DAB2IP: variants seen among roughly 807,000 people sequenced by gnomAD.
The protein encoded by DAB2IP is disabled homolog 2-interacting protein.
In DAB2IP, 28 loss-of-function variants were observed where a neutral mutation model predicts 107.2. The observed-to-expected ratio is 0.26, with a 90% confidence interval of 0.19 to 0.36. The LOEUF is 0.36. DAB2IP is among the 10% of genes least tolerant of loss of function. The pLI, the probability that DAB2IP is intolerant of heterozygous loss-of-function variation, is 1.00. For synonymous variants in DAB2IP, 755 were observed against 706.4 expected (o/e 1.07, Z -1.09); for missense variants, 1,400 against 1,644.7 (o/e 0.85, Z 2.57).
At chr9:121,664,106 A>G (rs1214708469) in intron 1 of DAB2IP, among the ~76,000 whole-genome samples, 1 of 152,240 alleles carries the variant, frequency 6.6e-6, no homozygotes, top group East Asian at 1.9e-4. Context: ...ACATAGAGAC[A>G]ACTAGTTGTT....
chr9:121,768,317 A>G (rs1256521282), intron 9 of DAB2IP, 115 bp from the exon 10 acceptor site: 7 of 1,118,498 alleles, frequency 6.3e-6, no homozygotes, highest in Non-Finnish European at 9.4e-6. Flanking sequence ...TGGGGAGTGA[A>G]TGGAGTGGGA....
Position 121,642,001 on chromosome 9 carries a change from CT to C in DAB2IP, c.41-36676del, listed in dbSNP as rs1832340799. 5.1e-3 allele frequency among the ~76,000 whole-genome samples: 89 copies of C among 17,514 alleles called. 9 individuals are homozygous for C. Among genetic ancestry groups the C allele is most frequent in the Non-Finnish European group, 4.5e-4 (5 of 11,192 alleles). The allele number at this position is 17,514 out of a possible 152,430, so 11.5% of individuals were successfully genotyped here. On this transcript the variant is annotated intron_variant, in intron 1 of 16. Coordinates refer to the DAB2IP transcript ENST00000259371. ...CTTTCTTTCTTTCTTTCCTTTCTCT[CT>C]CTCTCTCTCTCTCTCTCTCTCTCTC...
chr9:121,751,140 G>GCTGCCCGGCTGCTGTGGACCTTTCCCC (rs1564199423), intron 3 of DAB2IP: 26 of 224,462 alleles, frequency 1.2e-4, no homozygotes, highest in African/African-American at 5.9e-4. Flanking sequence ...ACCTTTCCCT[G>GCTGCCCGGCTGCTGTGGACCTTTCCCC]CTGCCCGGCT....
chr9:121,588,406 C>T lies in DAB2IP; in HGVS notation c.40+21178C>T, dbSNP rs145318912. ...TCATTCCCACCAGCTGGGCACCTAG[C>T]GAGTGCTTCCCGTCCTCCTCATCCC... On this transcript the variant is annotated intron_variant, in intron 1 of 16. Coordinates refer to the DAB2IP transcript ENST00000259371. 2.9e-3 allele frequency among the ~76,000 whole-genome samples: 441 copies of T among 151,952 alleles called. 1 individual carries two copies. The highest frequency in any genetic ancestry group is 7.6e-3 in the African/African-American group (314 of 41,438).
intron 14 of DAB2IP, among the ~76,000 whole-genome samples, chr9:121,778,904 A>G (rs1339320463): frequency 6.6e-6 from 1 of 151,642 alleles, no homozygotes; most frequent in Non-Finnish European, 1.5e-5. Context: ...GGTTGTCAGT[A>G]GTTGGATTGT....
At chr9:121,766,832 C>G in intron 9 of DAB2IP, 102 bp downstream of exon 9, 1 of 1,208,528 alleles carries the variant, frequency 8.3e-7, no homozygotes, top group Non-Finnish European at 1.2e-6. Context: ...AGACCATAAA[C>G]AGGCCCTGGT....
At chr9:121,766,792 T>TG in intron 9 of DAB2IP, 62 bp downstream of exon 9, 3 of 1,549,394 alleles carry the variant, frequency 1.9e-6, no homozygotes, top group Non-Finnish European at 2.7e-6. Flanking sequence ...GGGCAGGCCC[T>TG]GGGGGTGTTT....
intron 10 of DAB2IP, among the ~76,000 whole-genome samples, chr9:121,769,716 A>T (rs932686563): frequency 6.6e-6 from 1 of 152,152 alleles, no homozygotes; most frequent in African/African-American, 2.4e-5. Flanking sequence ...CCTACATTCC[A>T]CCTGTTCCAG....
Position 121,684,499 on chromosome 9 carries a change from C to G in DAB2IP, c.228+5718C>G, listed in dbSNP as rs1216296568. On this transcript the variant is annotated intron_variant, in intron 2 of 15. Transcript: ENST00000408936. This position sits in a 1 kb window ranked among gnomAD's most constrained non-coding sequence, Gnocchi z 4.0. ...GAATGGGTGTTCTTTGGTCCAACTG[C>G]CCTCGGAGCCCCACGACAGCTCCTT... Among the ~76,000 whole-genome samples the G allele has an allele frequency of 6.6e-6, 1 of 152,204 alleles. No homozygotes were observed. The highest frequency in any genetic ancestry group is 1.9e-4 in the East Asian group (1 of 5,186).
intron 5 of DAB2IP, 114 bp from the exon 6 acceptor site, chr9:121,759,771 C>T (rs187442413): frequency 4.3e-4 from 415 of 954,202 alleles, no homozygotes; most frequent in Non-Finnish European, 5.9e-4. Flanking sequence ...CGCCCGCTGC[C>T]GCCTCCACCT....
chr9:121,651,634 G>C lies in DAB2IP; in HGVS notation c.-142G>C. On this transcript the variant is annotated 5_prime_UTR_variant, in exon 1 of 16. Transcript: ENST00000408936. This position sits in a 1 kb window ranked among gnomAD's most constrained non-coding sequence, Gnocchi z 5.1. Reference sequence around the variant, plus strand: ...CAGGAGGCGGAGGAGGAGTTTGAGCGACTTTGTGGGGCAGCCAGGGCCTCG... The same window carrying C: ...CAGGAGGCGGAGGAGGAGTTTGAGCCACTTTGTGGGGCAGCCAGGGCCTCG... The C allele has an allele frequency of 9.4e-7, 1 of 1,061,908 alleles. No homozygotes were observed. Among genetic ancestry groups the C allele is most frequent in the South Asian group, 4.6e-5 (1 of 21,974 alleles). The allele number at this position is 1,061,908 out of a possible 1,614,324, so 65.8% of individuals were successfully genotyped here. A position where few individuals can be genotyped will look rare whatever the true frequency, so the allele number is the denominator to read the frequency against.
At chr9:121,573,265 C>T (rs374834239) in intron 1 of DAB2IP, among the ~76,000 whole-genome samples, 2 of 151,810 alleles carry the variant, frequency 1.3e-5, no homozygotes, top group Admixed American at 6.6e-5. Context: ...TTGGTAGAGG[C>T]GGGGTTTCGC....
chr9:121,703,738 A>G (rs1589548006), intron 3 of DAB2IP, among the ~76,000 whole-genome samples: 1 of 152,192 alleles, frequency 6.6e-6, no homozygotes, highest in Non-Finnish European at 1.5e-5. Flanking sequence ...AATATGTCAT[A>G]GGTTTTCAGT....
At chr9:121,731,399 G>A (rs1173031541) in intron 3 of DAB2IP, among the ~76,000 whole-genome samples, 5 of 152,344 alleles carry the variant, frequency 3.3e-5, no homozygotes, top group Middle Eastern at 6.8e-3. Flanking sequence ...GATGGCTGAC[G>A]GAATGGAGTC....
At position 121,667,242 on chromosome 9, in the gene DAB2IP, C is replaced by G. The variant is rs541705842; in HGVS notation, c.125-11436C>G. On this transcript the variant is annotated intron_variant, in intron 1 of 15. Transcript: ENST00000408936. ...GGCCAGGCTGGTCTCGAACCCCTGA[C>G]CTCAAATGATCCACCCACCTTGGCC... Among the ~76,000 whole-genome samples, 17 of 152,216 alleles carry G rather than the reference C, an allele frequency of 1.1e-4. No individual in the cohort carries two copies. In the East Asian group the frequency reaches 3.3e-3, roughly 30 times the overall value.
chr9:121,716,116 G>T (rs1830589586), intron 3 of DAB2IP, among the ~76,000 whole-genome samples: 1 of 152,240 alleles, frequency 6.6e-6, no homozygotes, highest in Admixed American at 6.5e-5. Context: ...AGCCCCAGGT[G>T]ATTCTGAGAC....
chr9:121,645,240 G>T (rs1235416778), intron 1 of DAB2IP, among the ~76,000 whole-genome samples: 2 of 152,204 alleles, frequency 1.3e-5, no homozygotes, highest in East Asian at 3.9e-4. Flanking sequence ...TACACAGAGA[G>T]AGTGGCTCCA....
chr9:121,639,202 G>T (rs1181460847), intron 1 of DAB2IP, among the ~76,000 whole-genome samples: 7 of 152,202 alleles, frequency 4.6e-5, no homozygotes, highest in African/African-American at 1.7e-4. Context: ...CTGACAAAGG[G>T]GAAGCACTGA....
At chr9:121,583,111 G>C (rs1393256701) in intron 1 of DAB2IP, among the ~76,000 whole-genome samples, 1 of 152,240 alleles carries the variant, frequency 6.6e-6, no homozygotes, top group Non-Finnish European at 1.5e-5. Context: ...AAGCTGGCCG[G>C]CCGCGGTGGC....
Sources: gnomAD v4.1 joint callset for allele counts (sites outside exome capture counted in the v4.1 genomes callset) on GRCh38, gnomAD v4.1.1 for gene constraint, Gnocchi (gnomAD v3.1) non-coding constraint, MANE v1.5 for transcripts, NCBI Gene and HGNC (gene_info 2026-07-23, HGNC 2026-07-21) for gene names.